The following GPC5 variants were observed in gnomAD, a reference collection of about 807,000 sequenced individuals.
GPC5 encodes glypican-5.
In GPC5, 47 loss-of-function variants were observed where a neutral mutation model predicts 53.9. That is an observed-to-expected ratio of 0.87 (90% confidence interval 0.69 to 1.11). GPC5 has a LOEUF of 1.11. GPC5 is among the 50% of genes most tolerant of loss of function. The pLI is 0.00. For synonymous variants in GPC5, 286 were observed against 263.3 expected (o/e 1.09, Z -0.84); for missense variants, 748 against 713.1 (o/e 1.05, Z -0.56).
intron 7 of GPC5, among the ~76,000 whole-genome samples, chr13:92,812,958 T>C (rs1410769055): frequency 1.3e-5 from 2 of 151,992 alleles, no homozygotes; most frequent in Non-Finnish European, 2.9e-5. Flanking sequence ...TCCTCATCAG[T>C]CTTATCTTCT....
At chr13:91,445,567 C>G (rs180711691) in intron 1 of GPC5, among the ~76,000 whole-genome samples, 55 of 152,294 alleles carry the variant, frequency 3.6e-4, no homozygotes, top group South Asian at 1.5e-3. Flanking sequence ...CTTCATCTCC[C>G]AGCTACAAGT....
chr13:91,661,158 G>C (rs2139616338), intron 2 of GPC5, among the ~76,000 whole-genome samples: 1 of 152,172 alleles, frequency 6.6e-6, no homozygotes, highest in Non-Finnish European at 1.5e-5. Context: ...CAGTCTGGCA[G>C]GGCCTTCTGC....
intron 7 of GPC5, among the ~76,000 whole-genome samples, chr13:92,233,815 C>G (rs951468153): frequency 3.3e-5 from 5 of 152,058 alleles, no homozygotes; most frequent in African/African-American, 1.2e-4. Context: ...CCACTCCCCC[C>G]ACCCCACAAC....
intron 2 of GPC5, among the ~76,000 whole-genome samples, chr13:91,674,610 TATGTGTATATATACGCATATATATGC>T (rs2035336694): frequency 2.0e-5 from 3 of 147,450 alleles, no homozygotes; most frequent in African/African-American, 7.5e-5. Context: ...TATATATGCG[TATGTGTATATATACGCATATATATGC>T]GTATGTGTAT....
chr13:91,595,442 G>A (rs1043570784), intron 2 of GPC5, among the ~76,000 whole-genome samples: 4 of 152,126 alleles, frequency 2.6e-5, no homozygotes, highest in African/African-American at 9.7e-5. Flanking sequence ...GTTTGAAAAT[G>A]TGTTCTAATT....
At chr13:92,641,743 C>A (rs1885601087) in intron 7 of GPC5, among the ~76,000 whole-genome samples, 1 of 152,080 alleles carries the variant, frequency 6.6e-6, no homozygotes, top group Admixed American at 6.6e-5. Flanking sequence ...TCCCAGGTAT[C>A]ATAGAAATGG....
At chr13:91,584,156 G>A (rs995801569) in intron 2 of GPC5, among the ~76,000 whole-genome samples, 1 of 152,160 alleles carries the variant, frequency 6.6e-6, no homozygotes, top group African/African-American at 2.4e-5. Flanking sequence ...GAAGAAACCA[G>A]TCCTGAAGAC....
At chr13:91,706,244 C>A (rs1202506062) in intron 3 of GPC5, among the ~76,000 whole-genome samples, 2 of 151,304 alleles carry the variant, frequency 1.3e-5, no homozygotes, top group Admixed American at 1.3e-4. Flanking sequence ...ATACTAAGAT[C>A]TGTAAAGTTA....
intron 7 of GPC5, among the ~76,000 whole-genome samples, chr13:92,265,137 A>T (rs1027931982): frequency 2.0e-5 from 3 of 152,016 alleles, no homozygotes; most frequent in Non-Finnish European, 4.4e-5. Flanking sequence ...TTCCATCCAT[A>T]TTAATCTCTT....
chr13:92,540,330 C>T (rs1282088173), intron 7 of GPC5, among the ~76,000 whole-genome samples: 1 of 151,778 alleles, frequency 6.6e-6, no homozygotes, highest in African/African-American at 2.4e-5. Flanking sequence ...TGAGATGTGC[C>T]TTAAGGTGTT....
At chr13:92,008,356 C>G (rs2040629120) in intron 6 of GPC5, among the ~76,000 whole-genome samples, 1 of 152,104 alleles carries the variant, frequency 6.6e-6, no homozygotes, top group South Asian at 2.1e-4. Context: ...GCCACTGCTC[C>G]CGGCCGAAAA....
At chr13:92,638,764 A>T (rs899527798) in intron 7 of GPC5, among the ~76,000 whole-genome samples, 3 of 152,224 alleles carry the variant, frequency 2.0e-5, no homozygotes, top group Non-Finnish European at 4.4e-5. Context: ...ACAAAGAACA[A>T]GGGGCAGAGT....
chr13:91,453,802 C>A (rs1218141205), intron 2 of GPC5, among the ~76,000 whole-genome samples: 1 of 151,974 alleles, frequency 6.6e-6, no homozygotes, highest in Non-Finnish European at 1.5e-5. Context: ...CCTCCTTCTT[C>A]CTTTCTTTTA....
At chr13:91,533,119 A>G (rs1886427280) in intron 2 of GPC5, among the ~76,000 whole-genome samples, 1 of 152,198 alleles carries the variant, frequency 6.6e-6, no homozygotes, top group Non-Finnish European at 1.5e-5. Context: ...TTTTTGAACT[A>G]TGAAATGAGG....
chr13:91,785,415 T>C (rs1294337646), intron 5 of GPC5, among the ~76,000 whole-genome samples: 2 of 152,156 alleles, frequency 1.3e-5, no homozygotes, highest in African/African-American at 4.8e-5. Context: ...GGAAAAACAA[T>C]TGCCTTCAGT....
intron 7 of GPC5, among the ~76,000 whole-genome samples, chr13:92,513,757 C>A (rs1880667966): frequency 6.6e-6 from 1 of 152,050 alleles, no homozygotes; most frequent in Non-Finnish European, 1.5e-5. Flanking sequence ...CAAGTCTAAA[C>A]ACAATATTTA....
chr13:92,629,604 A>G (rs535875067), intron 7 of GPC5, among the ~76,000 whole-genome samples: 14 of 152,334 alleles, frequency 9.2e-5, no homozygotes, highest in Admixed American at 7.2e-4. Context: ...TGAGTTTCAC[A>G]AAGATAATGC....
chr13:91,594,025 A>G (rs774139619), intron 2 of GPC5, among the ~76,000 whole-genome samples: 5 of 152,148 alleles, frequency 3.3e-5, no homozygotes, highest in Non-Finnish European at 5.9e-5. Flanking sequence ...TTATGTAATT[A>G]CCTATCCCAT....
chr13:91,414,046 C>T (rs917233044), intron 1 of GPC5, among the ~76,000 whole-genome samples: 1 of 152,162 alleles, frequency 6.6e-6, no homozygotes, highest in African/African-American at 2.4e-5. Context: ...TCATTGGAAG[C>T]CATTTCCCCC....
Sources: gnomAD v4.1 joint callset for allele counts (sites outside exome capture counted in the v4.1 genomes callset) on GRCh38, gnomAD v4.1.1 for gene constraint, MANE v1.5 for transcripts, NCBI Gene and HGNC (gene_info 2026-07-23, HGNC 2026-07-21) for gene names.